GOSR2: variants seen among roughly 807,000 people sequenced by gnomAD.
GOSR2 encodes golgi SNAP receptor complex member 2.
GOSR2 carries 20 observed loss-of-function variants against 27.9 expected under a neutral mutation model. That is an observed-to-expected ratio of 0.72 (90% CI 0.50 to 1.04). The LOEUF (loss-of-function observed/expected upper bound fraction) is 1.04, where lower values mean the gene tolerates loss of function less well. GOSR2 is among the 50% of genes least tolerant of loss of function. GOSR2 has a pLI of 0.00. For missense variants in GOSR2, 261 were observed against 270.5 expected, an observed-to-expected ratio of 0.97 and a Z score of 0.25; for synonymous variants, 91 against 98.8, an observed-to-expected ratio of 0.92 and a Z score of 0.47.
downstream of GOSR2, among the ~76,000 whole-genome samples, chr17:46,946,410 G>A (rs1234018724): frequency 2.3e-4 from 33 of 145,580 alleles, no homozygotes; most frequent in East Asian, 1.6e-3. Context: ...GCAGTGAGCC[G>A]AGATCACGCC....
At chr17:46,936,271 A>C in intron 5 of GOSR2, 2 of 985,354 alleles carry the variant, frequency 2.0e-6, no homozygotes, top group Non-Finnish European at 2.4e-6. Context: ...AAAACAGTAG[A>C]GGCCTTTTAG....
chr17:46,931,397 AG>A, intron 3 of GOSR2, 190 bp downstream of exon 3: 1 of 614,476 alleles, frequency 1.6e-6, no homozygotes, highest in South Asian at 2.0e-5. Flanking sequence ...ATAGCCTGTG[AG>A]GTTTGTGACT....
In GOSR2 at chr17:46,924,165, C is replaced by A. The variant is rs145528461; in HGVS notation, c.29+944C>A. ...ACACCTAGTAACCTCTGTTTTACTT[C>A]TCTCTATGAGTTTACCTATTCTAGA... On this transcript the variant is annotated intron_variant, in intron 1 of 5. Transcript: ENST00000640051. 4.2e-4 allele frequency: 126 copies of A among 296,620 alleles called. 1 individual carries two copies. The East Asian group carries it at 5.9e-3, about 14-fold the overall frequency. The allele number at this position is 296,620 out of a possible 1,614,324, so 18.4% of individuals were successfully genotyped here.
downstream of GOSR2, among the ~76,000 whole-genome samples, chr17:46,942,502 G>T (rs571131935): frequency 2.6e-5 from 4 of 152,246 alleles, no homozygotes; most frequent in East Asian, 5.8e-4. Context: ...CACACTTCTC[G>T]TGGGGTGCTC....
chr17:46,954,625 C>A (rs1204852443), intron 6 of GOSR2, among the ~76,000 whole-genome samples: 1 of 152,154 alleles, frequency 6.6e-6, no homozygotes, highest in Non-Finnish European at 1.5e-5. Flanking sequence ...TCAGTATGGC[C>A]AGTTTCATGA....
At chr17:46,957,688 G>A (rs1305365823) in intron 6 of GOSR2, among the ~76,000 whole-genome samples, 1 of 152,170 alleles carries the variant, frequency 6.6e-6, no homozygotes, top group African/African-American at 2.4e-5. Flanking sequence ...GAGGCAAACA[G>A]GACATGAAGG....
At chr17:46,969,862 C>T (rs1260309365), downstream of GOSR2, among the ~76,000 whole-genome samples, 1 of 152,172 alleles carries the variant, frequency 6.6e-6, no homozygotes, top group African/African-American at 2.4e-5. Flanking sequence ...CTTTCGCGAT[C>T]CCCTTGCCCC....
chr17:46,943,313 C>T (rs1316309672), downstream of GOSR2, among the ~76,000 whole-genome samples: 1 of 152,188 alleles, frequency 6.6e-6, no homozygotes, highest in Non-Finnish European at 1.5e-5. Context: ...AGTAAAGCAC[C>T]TTGATGTGAC....
chr17:46,950,043 T>C (rs748210317), intron 6 of GOSR2, among the ~76,000 whole-genome samples: 31 of 152,230 alleles, frequency 2.0e-4, no homozygotes, highest in Admixed American at 3.9e-4. Flanking sequence ...GGAAACCAAA[T>C]CCCAAAGAGA....
intron 6 of GOSR2, among the ~76,000 whole-genome samples, chr17:46,948,170 G>A (rs1348480788): frequency 6.6e-6 from 1 of 152,228 alleles, no homozygotes; most frequent in Non-Finnish European, 1.5e-5. Flanking sequence ...GGAACCTTGA[G>A]CAAGCCACCT....
chr17:46,955,194 A>G (rs1262227394), intron 6 of GOSR2, among the ~76,000 whole-genome samples: 46 of 152,016 alleles, frequency 3.0e-4, no homozygotes, highest in East Asian at 1.9e-3. Context: ...CGTCCCATCA[A>G]TACCTAATTT....
Position 46,926,553 on chromosome 17 carries a change from T to C in GOSR2, c.30-2967T>C, listed in dbSNP as rs553461252. 2.6e-5 allele frequency among the ~76,000 whole-genome samples: 4 copies of C among 152,354 alleles called. No individual in the cohort carries two copies. The East Asian group carries it at 7.7e-4, about 29-fold the overall frequency. ...CCATGGACCCCATGCTAGAGAGGGC[T>C]AAGACTTCTTTTTCCTCATGTCCAC... On this transcript the variant is annotated intron_variant, in intron 1 of 5. Transcript: ENST00000640051.
In GOSR2 at chr17:46,941,097, T is replaced by C. The variant is rs1052586; in HGVS notation, c.*2337T>C. 512,761 of 1,034,538 alleles carry C rather than the reference T, an allele frequency of 0.5. 127,354 individuals carry two copies. The highest frequency in any genetic ancestry group is 0.55 in the East Asian group (6,892 of 12,498). 64.1% of individuals were successfully genotyped at this position (1,034,538 alleles called of 1,614,324 possible). Reference sequence around the variant, plus strand: ...CTTGTACATGAGTTTGGTGTGCCTATTGTGATTTAAAACAGGTGGGTTATC... The same window carrying C: ...CTTGTACATGAGTTTGGTGTGCCTACTGTGATTTAAAACAGGTGGGTTATC... On this transcript the variant is annotated 3_prime_UTR_variant, in exon 6 of 6. Transcript: ENST00000640051.
downstream of GOSR2, among the ~76,000 whole-genome samples, chr17:46,971,882 T>G (rs1445153228): frequency 1.3e-5 from 2 of 152,204 alleles, no homozygotes; most frequent in East Asian, 3.8e-4. Context: ...GTTGGGCACC[T>G]CTCCCTCCCC....
chr17:46,947,921 A>C (rs2090042618), intron 6 of GOSR2, among the ~76,000 whole-genome samples: 1 of 152,150 alleles, frequency 6.6e-6, no homozygotes, highest in Admixed American at 6.5e-5. Flanking sequence ...GGCATGTGCC[A>C]CCACGCCTGG....
At chr17:46,931,555 G>A (rs529369035) in intron 3 of GOSR2, 2 of 363,556 alleles carry the variant, frequency 5.5e-6, no homozygotes, top group South Asian at 3.5e-5. Flanking sequence ...GTTCTTCTTG[G>A]GTTGAAATGA....
intron 6 of GOSR2, among the ~76,000 whole-genome samples, chr17:46,958,396 G>C (rs563999567): frequency 6.6e-6 from 1 of 152,206 alleles, no homozygotes; most frequent in African/African-American, 2.4e-5. Context: ...AAAGAAGACT[G>C]GGGGTGGGAA....
chr17:46,931,060 C>T (rs774971708), intron 2 of GOSR2, 39 bp from the exon 3 acceptor site: 10 of 1,068,548 alleles, frequency 9.4e-6, no homozygotes, highest in African/African-American at 3.1e-5. Context: ...AGTTCACTAT[C>T]TCTTTTCCAG....
intron 6 of GOSR2, among the ~76,000 whole-genome samples, chr17:46,954,153 G>A (rs1480421585): frequency 6.6e-6 from 1 of 152,174 alleles, no homozygotes; most frequent in Non-Finnish European, 1.5e-5. Flanking sequence ...TTCTTCTAGG[G>A]TTTTTATGGT....
Sources: allele counts gnomAD v4.1 joint callset (sites outside exome capture counted in the v4.1 genomes callset), GRCh38; gene constraint gnomAD v4.1.1; transcripts MANE v1.5; gene names NCBI Gene and HGNC (gene_info 2026-07-23, HGNC 2026-07-21).